The following TPCN1 variants were observed in gnomAD, a reference collection of about 807,000 sequenced individuals.
TPCN1 encodes two pore segment channel 1.
In TPCN1, 52 loss-of-function variants were observed where a neutral mutation model predicts 108.8. That is an observed-to-expected ratio of 0.48 (90% CI 0.38 to 0.60). TPCN1 has a LOEUF of 0.60. Ranked by LOEUF, TPCN1 falls within the 20% of genes least tolerant of loss-of-function variation. TPCN1 has a pLI of 0.00. For missense variants in TPCN1, 806 were observed against 1,072.8 expected, an observed-to-expected ratio of 0.75 and a Z score of 3.47; for synonymous variants, 446 against 433.7, an observed-to-expected ratio of 1.03 and a Z score of -0.35.
chr12:113,251,583 G>T (rs775097975), intron 2 of TPCN1, among the ~76,000 whole-genome samples: 1 of 152,230 alleles, frequency 6.6e-6, no homozygotes, highest in Non-Finnish European at 1.5e-5. Context: ...TCGCTGTCCC[G>T]TGGGGGGGCT....
rs1457457581 is a variant in TPCN1, at chr12:113,288,034, C to T, written c.1635-129C>T. Reference sequence around the variant, plus strand: ...GGTTGGTGGCGCCCAAGGGAGTGGACGCAGGTGGAGGAGAGGCCCTCACCT... The same window carrying T: ...GGTTGGTGGCGCCCAAGGGAGTGGATGCAGGTGGAGGAGAGGCCCTCACCT... On this transcript the variant is annotated intron_variant, in intron 19 of 27. Coordinates refer to ENST00000335509, the MANE Select transcript of TPCN1 (RefSeq NM_017901.6). This position sits in a 1 kb window ranked among gnomAD's most constrained non-coding sequence, Gnocchi z 4.8. 11 of 865,652 alleles carry T rather than the reference C, an allele frequency of 1.3e-5. No homozygotes were observed. Among genetic ancestry groups the T allele is most frequent in the Middle Eastern group, 3.6e-4 (1 of 2,802 alleles). 53.6% of individuals were successfully genotyped at this position (865,652 alleles called of 1,614,324 possible).
chr12:113,244,441 A>G, intron 2 of TPCN1: 2 of 985,386 alleles, frequency 2.0e-6, no homozygotes, highest in Non-Finnish European at 2.4e-6. Context: ...CACCTTCCAT[A>G]CCATCTTGCA....
chr12:113,229,558 G>A (rs1188111429), intron 2 of TPCN1, among the ~76,000 whole-genome samples: 3 of 152,108 alleles, frequency 2.0e-5, no homozygotes, highest in Non-Finnish European at 2.9e-5. Context: ...GCACAATCTC[G>A]GCTCATTGCA....
At chr12:113,278,097 A>G in intron 12 of TPCN1, 92 bp from the exon 13 acceptor site, 2 of 1,063,534 alleles carry the variant, frequency 1.9e-6, no homozygotes, top group Non-Finnish European at 2.9e-6. Flanking sequence ...CCCTCACCCC[A>G]TAAAGGTGTC....
At chr12:113,281,211 T>C (rs941815067) in intron 15 of TPCN1, among the ~76,000 whole-genome samples, 9 of 152,118 alleles carry the variant, frequency 5.9e-5, no homozygotes, top group Non-Finnish European at 1.3e-4. Context: ...CAGCTGTTTT[T>C]GTATTTTTAG....
At chr12:113,280,320 A>C in intron 15 of TPCN1, 125 bp downstream of exon 15, 1 of 709,002 alleles carries the variant, frequency 1.4e-6, no homozygotes, top group Non-Finnish European at 2.4e-6. Context: ...GGGAATTCCC[A>C]GCATGTATAA....
chr12:113,263,516 C>G (rs1340493914), intron 3 of TPCN1, among the ~76,000 whole-genome samples: 3 of 152,260 alleles, frequency 2.0e-5, no homozygotes, highest in Non-Finnish European at 4.4e-5. Context: ...CTGCTTAAGC[C>G]TCCCAAAGTG....
In TPCN1 at chr12:113,287,099, T is replaced by G. The variant is rs757130133; in HGVS notation, c.1634+5T>G. 6.2e-7 allele frequency: 1 copy of G among 1,609,146 alleles called. No individual in the cohort carries two copies. Among genetic ancestry groups the G allele is most frequent in the Admixed American group, 1.7e-5 (1 of 59,894 alleles). On this transcript the variant is annotated splice_donor_5th_base_variant and intron_variant, in intron 19 of 27. Transcript: ENST00000335509. ...GCGCCCCCTCCAGCTGCTGAGGTGA[T>G]GGGCAGGGCAGAGCCGGAGACAGGG... is the stretch of plus-strand genomic sequence containing the variant.
At position 113,290,131 on chromosome 12, in the gene TPCN1, G is replaced by A. The variant is rs75673019; in HGVS notation, c.1800G>A (p.Thr600=). Residue 600 remains threonine, a synonymous_variant, in exon 22 of 28, where the codon ACG becomes ACA. Coordinates refer to ENST00000335509, the MANE Select transcript of TPCN1 (RefSeq NM_017901.6). The part of the protein sequence containing the change: ...CGIVFPNCCN[T]STVADAYRWR... Reference sequence around the variant, plus strand: ...TTCTCCCTTGTGCTCCGGCCAGCACGAGTACAGTGGCAGATGCCTACCGCT... The same window carrying A: ...TTCTCCCTTGTGCTCCGGCCAGCACAAGTACAGTGGCAGATGCCTACCGCT... The A allele has an allele frequency of 1.1e-5, 18 of 1,588,558 alleles. No individual in the cohort carries two copies. The highest frequency in any genetic ancestry group is 6.8e-5 in the East Asian group (3 of 44,078).
At position 113,266,384 on chromosome 12, in the gene TPCN1, G is replaced by A; in HGVS notation, c.414+28G>A. The A allele has an allele frequency of 6.3e-7, 1 of 1,597,124 alleles. No homozygotes were observed. The highest frequency in any genetic ancestry group is 8.5e-7 in the Non-Finnish European group (1 of 1,176,782). On this transcript the variant is annotated intron_variant, in intron 4 of 27. Coordinates refer to ENST00000335509, the MANE Select transcript of TPCN1 (RefSeq NM_017901.6). This position sits in a 1 kb window ranked among gnomAD's most constrained non-coding sequence, Gnocchi z 4.2. ...GAGCGCACATGCTCCTCATACGGGG[G>A]GCTGGGAGCCACGGCTTTCAGGGCA...
chr12:113,261,935 A>G (rs1408543782), intron 3 of TPCN1, among the ~76,000 whole-genome samples: 1 of 152,042 alleles, frequency 6.6e-6, no homozygotes, highest in African/African-American at 2.4e-5. Flanking sequence ...AGGAATCAAC[A>G]ATTTTTAGGG....
rs534719013 is a variant in TPCN1, at chr12:113,289,258, G to A, written c.1796+411G>A. Among the ~76,000 whole-genome samples, 3 of 152,368 alleles carry A rather than the reference G, an allele frequency of 2.0e-5. No homozygotes were observed. Among genetic ancestry groups the A allele is most frequent in the Admixed American group, 2.0e-4 (3 of 15,310 alleles). ...CAGGAAGGTCATGGTGCTCAGGGAT[G>A]GGGAGCAGAGAGTGAAATCTCCCAT... On this transcript the variant is annotated intron_variant, in intron 21 of 27. Coordinates refer to ENST00000335509, the MANE Select transcript of TPCN1 (RefSeq NM_017901.6). The surrounding 1 kb of genome is among the most constrained non-coding windows in gnomAD (Gnocchi z 4.1).
At position 113,230,281 on chromosome 12, in the gene TPCN1, ATCT is replaced by A. The variant is rs1953637658; in HGVS notation, c.112+3319_112+3321del. ...ACCTACTAGGCCCTGAGATCCATTCATCTTTTTTTTTTTTTTTTTTTTTTTGAG... is the reference window on the plus strand; with the variant it reads ...ACCTACTAGGCCCTGAGATCCATTCATTTTTTTTTTTTTTTTTTTTTTGAG... On this transcript the variant is annotated intron_variant, in intron 2 of 27. Coordinates refer to ENST00000335509, the MANE Select transcript of TPCN1 (RefSeq NM_017901.6). Among the ~76,000 whole-genome samples the A allele has an allele frequency of 3.1e-5, 4 of 130,104 alleles. No homozygotes were observed. In the South Asian group the frequency reaches 9.8e-4, roughly 32 times the overall value. The allele number at this position is 130,104 out of a possible 152,430, so 85.4% of individuals were successfully genotyped here.
Position 113,273,205 on chromosome 12 carries a change from A to G in TPCN1, c.784-27A>G. 3 of 1,613,140 alleles carry G rather than the reference A, an allele frequency of 1.9e-6. No homozygotes were observed. The South Asian group carries it at 3.3e-5, about 18-fold the overall frequency. ...GGCCGTGTGCTCTTGGCTGGTCCCG[A>G]CTTCTCTGCCCTCTCTTCCCTTGCA... On this transcript the variant is annotated intron_variant, in intron 8 of 27. Coordinates refer to ENST00000335509, the MANE Select transcript of TPCN1 (RefSeq NM_017901.6). The surrounding 1 kb of genome is among the most constrained non-coding windows in gnomAD (Gnocchi z 4.0).
At chr12:113,255,739 A>G (rs1954808962) in intron 2 of TPCN1, among the ~76,000 whole-genome samples, 1 of 149,974 alleles carries the variant, frequency 6.7e-6, no homozygotes, top group African/African-American at 2.5e-5. Flanking sequence ...TATGTTGCCC[A>G]GGGTGGTCTC....
chr12:113,221,496 G>A lies in TPCN1; in HGVS notation c.-256G>A. 1 of 296,742 alleles carries A rather than the reference G, an allele frequency of 3.4e-6. No individual in the cohort carries two copies. The highest frequency in any genetic ancestry group is 6.8e-6 in the Non-Finnish European group (1 of 146,448). The allele number at this position is 296,742 out of a possible 1,614,324, so 18.4% of individuals were successfully genotyped here. On this transcript the variant is annotated 5_prime_UTR_variant, in exon 1 of 28. Transcript: ENST00000335509. ...CGCAGCTGCCCTGGTGGCAGTGGCT[G>A]AAGTGGCGGCGGCTTCGGCGGCTGC...
At position 113,260,359 on chromosome 12, in the gene TPCN1, C is replaced by T. The variant is rs772027574; in HGVS notation, c.113-9C>T. Reference sequence around the variant, plus strand: ...GTGCCAAGTGAATCTCTCTCCTCTTCCAATGCAGATGGCGGCAGCTATGCC... The same window carrying T: ...GTGCCAAGTGAATCTCTCTCCTCTTTCAATGCAGATGGCGGCAGCTATGCC... On this transcript the variant is annotated splice_polypyrimidine_tract_variant and intron_variant, in intron 2 of 27. Coordinates refer to ENST00000335509, the MANE Select transcript of TPCN1 (RefSeq NM_017901.6). 6.7e-7 allele frequency: 1 copy of T among 1,492,904 alleles called. No individual in the cohort carries two copies. The highest frequency in any genetic ancestry group is 8.9e-7 in the Non-Finnish European group (1 of 1,124,294). The allele number at this position is 1,492,904 out of a possible 1,614,324, so 92.5% of individuals were successfully genotyped here.
At chr12:113,238,531 G>T (rs886099820) in intron 2 of TPCN1, among the ~76,000 whole-genome samples, 2 of 152,142 alleles carry the variant, frequency 1.3e-5, no homozygotes, top group African/African-American at 4.8e-5. Context: ...GCTATCTCTT[G>T]CTATCCACCT....
chr12:113,283,813 A>T (rs1955973490), intron 15 of TPCN1, among the ~76,000 whole-genome samples: 1 of 151,944 alleles, frequency 6.6e-6, no homozygotes, highest in African/African-American at 2.4e-5. Context: ...AGCTGGGCCC[A>T]CAGGTGCACA....
Sources: allele counts gnomAD v4.1 joint callset (sites outside exome capture counted in the v4.1 genomes callset), GRCh38; gene constraint gnomAD v4.1.1; non-coding constraint Gnocchi (gnomAD v3.1); transcripts MANE v1.5; gene names NCBI Gene and HGNC (gene_info 2026-07-23, HGNC 2026-07-21).